Variants in RFC3 observed in about 807,000 individuals in gnomAD.
RFC3 encodes the protein replication factor C subunit 3.
A neutral mutation model predicts 45.1 loss-of-function variants in RFC3; 41 were observed. That is an observed-to-expected ratio of 0.91 (90% confidence interval 0.71 to 1.18). RFC3 has a LOEUF of 1.18. Ranked by LOEUF, RFC3 falls within the 50% of genes most tolerant of loss-of-function variation. RFC3 has a pLI of 0.00. For synonymous variants in RFC3, 149 were observed against 144.0 expected (o/e 1.03, Z -0.25); for missense variants, 423 against 428.1 (o/e 0.99, Z 0.10).
At chr13:33,879,600 C>T (rs1209024799) in intron 8 of RFC3, among the ~76,000 whole-genome samples, 1 of 152,084 alleles carries the variant, frequency 6.6e-6, no homozygotes, top group East Asian at 1.9e-4. Flanking sequence ...ATCTACTTCC[C>T]CACAGCTACC....
chr13:33,822,579 G>C (rs1670978174), intron 2 of RFC3, among the ~76,000 whole-genome samples: 1 of 152,156 alleles, frequency 6.6e-6, no homozygotes, highest in African/African-American at 2.4e-5. Context: ...ACTGGAAAGA[G>C]AGCTTAGAAA....
At chr13:33,940,986 G>A (rs957429693) in intron 8 of RFC3, among the ~76,000 whole-genome samples, 2 of 152,170 alleles carry the variant, frequency 1.3e-5, no homozygotes, top group Non-Finnish European at 1.5e-5. Flanking sequence ...GAGAATCTCC[G>A]ACCCAACCCA....
intron 8 of RFC3, among the ~76,000 whole-genome samples, chr13:33,901,671 C>T (rs1203125777): frequency 1.3e-5 from 2 of 151,940 alleles, no homozygotes; most frequent in African/African-American, 2.4e-5. Flanking sequence ...TTACGTTTCA[C>T]GTGAGCTATA....
intron 8 of RFC3, among the ~76,000 whole-genome samples, chr13:33,946,033 G>A (rs1396954865): frequency 6.6e-6 from 1 of 152,108 alleles, no homozygotes; most frequent in Non-Finnish European, 1.5e-5. Flanking sequence ...TGCTCTGTCG[G>A]CCTAGGAAAT....
chr13:33,958,841 C>G (rs749485036), intron 8 of RFC3, among the ~76,000 whole-genome samples: 1 of 152,166 alleles, frequency 6.6e-6, no homozygotes, highest in South Asian at 2.1e-4. Flanking sequence ...CCTGGCACTT[C>G]CCATTTGCCT....
At chr13:33,972,860 A>G in the RFC3 span, among the ~76,000 whole-genome samples, 2 of 152,234 alleles carry the variant, frequency 1.3e-5, no homozygotes, top group African/African-American at 4.8e-5. Context: ...TAGGTACTTG[A>G]TAAATGTATA....
intron 8 of RFC3, among the ~76,000 whole-genome samples, chr13:33,865,405 G>C (rs1011674911): frequency 6.6e-6 from 1 of 151,864 alleles, no homozygotes; most frequent in South Asian, 2.1e-4. Flanking sequence ...CATGGATTGA[G>C]TGTGTGTGAT....
chr13:33,923,877 C>T (rs2082785034), intron 8 of RFC3, among the ~76,000 whole-genome samples: 1 of 152,118 alleles, frequency 6.6e-6, no homozygotes, highest in Admixed American at 6.5e-5. Context: ...GTCTGTGGTA[C>T]ACATTAGGAA....
At chr13:33,881,508 A>G (rs1047598525) in intron 8 of RFC3, among the ~76,000 whole-genome samples, 3 of 151,830 alleles carry the variant, frequency 2.0e-5, no homozygotes, top group Admixed American at 6.6e-5. Context: ...GAATGTCCCA[A>G]TGGACCACTC....
chr13:33,886,285 G>A (rs559066523), intron 8 of RFC3, among the ~76,000 whole-genome samples: 3 of 152,008 alleles, frequency 2.0e-5, no homozygotes, highest in Non-Finnish European at 4.4e-5. Flanking sequence ...AGTGGCTCAC[G>A]CCTGTAATCC....
chr13:33,868,877 A>G (rs1323697067), intron 8 of RFC3, among the ~76,000 whole-genome samples: 1 of 152,246 alleles, frequency 6.6e-6, no homozygotes, highest in Non-Finnish European at 1.5e-5. Context: ...AAAAGGCCAG[A>G]CACTCCTTTC....
intron 1 of RFC3, 60 bp downstream of exon 1, chr13:33,818,325 G>A: frequency 1.4e-6 from 2 of 1,415,846 alleles, no homozygotes; most frequent in South Asian, 1.2e-5. Context: ...GGGGTTTCGC[G>A]CCCCCCTGAG....
At chr13:33,914,713 C>A (rs1455538650) in intron 8 of RFC3, among the ~76,000 whole-genome samples, 1 of 152,094 alleles carries the variant, frequency 6.6e-6, no homozygotes, top group Non-Finnish European at 1.5e-5. Context: ...TTAAGAATGA[C>A]AATCCCATTT....
intron 8 of RFC3, among the ~76,000 whole-genome samples, chr13:33,866,562 C>G (rs980515413): frequency 1.3e-5 from 2 of 152,180 alleles, no homozygotes; most frequent in East Asian, 3.8e-4. Context: ...ATGCCTCATA[C>G]AGTTCTCAGC....
chr13:33,869,805 A>G (rs1372127769), intron 8 of RFC3, among the ~76,000 whole-genome samples: 1 of 152,228 alleles, frequency 6.6e-6, no homozygotes, highest in Non-Finnish European at 1.5e-5. Flanking sequence ...GTGTCTTAAT[A>G]TGCTAAAATA....
chr13:33,839,431 G>T (rs2082181140), downstream of RFC3, among the ~76,000 whole-genome samples: 1 of 152,176 alleles, frequency 6.6e-6, no homozygotes, highest in African/African-American at 2.4e-5. Flanking sequence ...AACTTATAAA[G>T]CTACATTTTT....
intron 8 of RFC3, among the ~76,000 whole-genome samples, chr13:33,920,668 C>CA (rs1221637653): frequency 2.0e-5 from 3 of 151,896 alleles, no homozygotes; most frequent in Non-Finnish European, 4.4e-5. Context: ...CTCTTGGCCT[C>CA]AAAGTGATCC....
At chr13:33,840,364 T>C (rs1427659073), downstream of RFC3, among the ~76,000 whole-genome samples, 1 of 152,152 alleles carries the variant, frequency 6.6e-6, no homozygotes, top group Non-Finnish European at 1.5e-5. Flanking sequence ...TTTCTCATTG[T>C]TTTTATGTTT....
chr13:33,966,091 G>T, exon 9 of RFC3: 1 of 1,608,490 alleles, frequency 6.2e-7, no homozygotes, highest in Non-Finnish European at 8.5e-7. Flanking sequence ...TTACAGGCAT[G>T]TAAGGAGGAA....
Sources: gnomAD v4.1 joint callset for allele counts (sites outside exome capture counted in the v4.1 genomes callset) on GRCh38, gnomAD v4.1.1 for gene constraint, MANE v1.5 for transcripts, NCBI Gene and HGNC (gene_info 2026-07-23, HGNC 2026-07-21) for gene names.